Variants in DNAH5 observed in about 807,000 individuals in gnomAD.
The protein encoded by DNAH5 is axonemal beta dynein heavy chain 5.
DNAH5 carries 372 observed loss-of-function variants against 518.2 expected under a neutral mutation model. That is an observed-to-expected ratio of 0.72 (90% CI 0.66 to 0.78). The LOEUF (loss-of-function observed/expected upper bound fraction) is 0.78. Ranked by LOEUF, DNAH5 falls within the 30% of genes least tolerant of loss-of-function variation. DNAH5 has a pLI of 0.00. For missense variants in DNAH5, 5,523 were observed against 5,687.0 expected, an observed-to-expected ratio of 0.97 and a Z score of 0.93; for synonymous variants, 2,039 against 2,025.9, an observed-to-expected ratio of 1.01 and a Z score of -0.17.
intron 32 of DNAH5, among the ~76,000 whole-genome samples, chr5:13,842,500 AAG>A (rs1765427270): frequency 7.8e-6 from 1 of 127,492 alleles, no homozygotes; most frequent in African/African-American, 3.2e-5. Context: ...AAAAGAAAGA[AAG>A]AAAGAAAAAG....
At chr5:13,889,331 A>C (rs1336271140) in intron 17 of DNAH5, among the ~76,000 whole-genome samples, 1 of 152,224 alleles carries the variant, frequency 6.6e-6, no homozygotes, top group East Asian at 1.9e-4. Flanking sequence ...GGTTAGGTGT[A>C]CCCACAGTTA....
At chr5:14,011,524 G>A (rs894250077) in intron 1 of DNAH5, among the ~76,000 whole-genome samples, 3 of 152,116 alleles carry the variant, frequency 2.0e-5, no homozygotes, top group African/African-American at 7.2e-5. Flanking sequence ...ACCACAAGCC[G>A]AGCCCCTCCC....
intron 44 of DNAH5, 169 bp from the exon 45 acceptor site, chr5:13,810,429 T>G: frequency 1.4e-6 from 1 of 693,182 alleles, no homozygotes; most frequent in Non-Finnish European, 2.5e-6. Flanking sequence ...TCTCTGAGAA[T>G]AGCAAGCTGC....
At position 13,853,687 on chromosome 5, in the gene DNAH5, T is replaced by C. The variant is rs76508088; in HGVS notation, c.4951-2872A>G. 3.9e-4 allele frequency among the ~76,000 whole-genome samples: 60 copies of C among 151,994 alleles called. No homozygotes were observed. In the East Asian group the frequency reaches 0.011, roughly 28 times the overall value. The stretch of plus-strand genomic sequence containing the variant: ...TTAGAGAAGAACATAAATGACCTGA[T>C]GGAACTGAAAAACACAGCACAAGAA... On this transcript the variant is annotated intron_variant, in intron 30 of 78. Coordinates refer to ENST00000265104, the MANE Select transcript of DNAH5 (RefSeq NM_001369.3).
chr5:13,898,871 C>G (rs1404465865), intron 15 of DNAH5: 1 of 363,736 alleles, frequency 2.7e-6, no homozygotes, highest in Non-Finnish European at 4.9e-6. Flanking sequence ...GCATTTGCCA[C>G]TGGTGACCAG....
intron 74 of DNAH5, 150 bp from the exon 75 acceptor site, chr5:13,714,770 A>G: frequency 3.7e-6 from 3 of 800,580 alleles, no homozygotes; most frequent in Admixed American, 4.3e-5. Flanking sequence ...ATTTCTCCAG[A>G]AAAGAATCAA....
chr5:13,713,472 C>CCGATATATATATATATATGATGGAATACT (rs1743891340), intron 75 of DNAH5, among the ~76,000 whole-genome samples: 1 of 113,862 alleles, frequency 8.8e-6, no homozygotes, highest in Non-Finnish European at 1.8e-5. Flanking sequence ...TATATACACA[C>CCGATATATATATATATATGATGGAATACT]ACCGATATAT....
Position 13,870,853 on chromosome 5 carries a change from G to T in DNAH5, c.3748C>A (p.Leu1250Ile). 6 of 1,613,738 alleles carry T rather than the reference G, an allele frequency of 3.7e-6. No individual in the cohort carries two copies. Among genetic ancestry groups the T allele is most frequent in the Non-Finnish European group, 5.1e-6 (6 of 1,179,832 alleles). The change falls in exon 24 of 79, where the codon CTA becomes ATA. Residue 1250 changes from leucine (L) to isoleucine (I), a missense_variant. Transcript: ENST00000265104. Reference sequence around the variant, plus strand: ...GCCATTGCAATCCGAATATCATCTAGGTCCTTAATTGGACGATTTAGTTTC... The same window carrying T: ...GCCATTGCAATCCGAATATCATCTATGTCCTTAATTGGACGATTTAGTTTC... ...NKKLNRPIKD[L>I]DDIRIAMAAL...
intron 60 of DNAH5, among the ~76,000 whole-genome samples, chr5:13,762,211 A>G (rs1277014294): frequency 6.6e-6 from 1 of 152,230 alleles, no homozygotes; most frequent in East Asian, 1.9e-4. Context: ...AGTCACATTA[A>G]ATAACAAATA....
At chr5:13,734,940 C>T (rs1046136522) in intron 68 of DNAH5, among the ~76,000 whole-genome samples, 191 bp downstream of exon 68, 1 of 152,108 alleles carries the variant, frequency 6.6e-6, no homozygotes, top group Non-Finnish European at 1.5e-5. Flanking sequence ...ATACCTATTC[C>T]ATGCCCAGGT....
intron 1 of DNAH5, among the ~76,000 whole-genome samples, chr5:13,966,307 G>A (rs1781526267): frequency 6.6e-6 from 1 of 152,080 alleles, no homozygotes; most frequent in African/African-American, 2.4e-5. Context: ...ATTGTGAATT[G>A]TACCGTTATA....
chr5:13,884,124 T>C (rs1466455785), intron 19 of DNAH5, among the ~76,000 whole-genome samples: 7 of 152,028 alleles, frequency 4.6e-5, no homozygotes, highest in Non-Finnish European at 8.8e-5. Flanking sequence ...GAGGAAAAGA[T>C]GATGCTATTG....
In DNAH5 at chr5:13,762,785, A is replaced by T. The variant is rs1368972106; in HGVS notation, c.10218T>A (p.Leu3406=). The T allele has an allele frequency of 6.2e-7, 1 of 1,614,212 alleles. No individual in the cohort carries two copies. Among genetic ancestry groups the T allele is most frequent in the Non-Finnish European group, 8.5e-7 (1 of 1,180,006 alleles). Reference sequence around the variant, plus strand: ...AAGCCATAGCTTTCGTCCAGGAACAAAGACCAGCTACATTTCCACATACGC... The same window carrying T: ...AAGCCATAGCTTTCGTCCAGGAACATAGACCAGCTACATTTCCACATACGC... ...AKRVCGNVAG[L]CSWTKAMASF... The change falls in exon 60 of 79, where the codon CTT becomes CTA. Residue 3406 remains leucine (L), a synonymous_variant. Transcript: ENST00000265104.
intron 70 of DNAH5, among the ~76,000 whole-genome samples, chr5:13,722,171 C>G (rs987110111): frequency 6.6e-6 from 1 of 152,106 alleles, no homozygotes; most frequent in Non-Finnish European, 1.5e-5. Context: ...CTCCAATTCC[C>G]GGAGAAACAC....
intron 53 of DNAH5, among the ~76,000 whole-genome samples, chr5:13,778,414 C>T (rs981145860): frequency 8.3e-5 from 11 of 131,774 alleles, no homozygotes; most frequent in Non-Finnish European, 3.1e-5. Flanking sequence ...AAGTGAGATC[C>T]GAGAGATCAG....
At position 13,928,114 on chromosome 5, in the gene DNAH5, T is replaced by A. The variant is rs147441805; in HGVS notation, c.257A>T (p.Asp86Val). The A allele has an allele frequency of 6.2e-7, 1 of 1,613,808 alleles. No individual in the cohort carries two copies. Among genetic ancestry groups the A allele is most frequent in the South Asian group, 1.1e-5 (1 of 91,074 alleles). The change falls in exon 3 of 79, where the codon GAT becomes GTT. Residue 86 changes from aspartate (D) to valine (V), a missense_variant. This residue lies in a region of DNAH5 where 5,121 missense variants were observed against 5,223.3 expected (regional missense o/e 0.98). Coordinates refer to ENST00000265104, the MANE Select transcript of DNAH5 (RefSeq NM_001369.3). ...GATACCTGTTTCTGCTTCCTCCACA[T>A]CTTGATAGTAAAACATGAGGTGTCG... ...GLRHLMFYYQ[D>V]VEEAETGQLG...
intron 70 of DNAH5, among the ~76,000 whole-genome samples, chr5:13,723,024 C>T (rs1745260676): frequency 6.6e-6 from 1 of 152,174 alleles, no homozygotes; most frequent in Non-Finnish European, 1.5e-5. Flanking sequence ...GAGGCTCACC[C>T]CTTCTGACCT....
chr5:13,850,190 A>G (rs192846015), intron 31 of DNAH5, among the ~76,000 whole-genome samples: 1 of 152,340 alleles, frequency 6.6e-6, no homozygotes, highest in East Asian at 1.9e-4. Flanking sequence ...CAAACAAAAA[A>G]ACTTTATGAC....
intron 32 of DNAH5, 37 bp from the exon 33 acceptor site, chr5:13,841,941 ATAGTCATAT>A: frequency 1.9e-6 from 2 of 1,037,644 alleles, no homozygotes; most frequent in Non-Finnish European, 2.9e-6. Flanking sequence ...AAAAAAAGCT[ATAGTCATAT>A]AAAAAGTAAA....
Sources: gnomAD v4.1 joint callset for allele counts (sites outside exome capture counted in the v4.1 genomes callset) on GRCh38, gnomAD v4.1.1 for gene constraint, gnomAD v4.1.1 regional missense constraint, MANE v1.5 for transcripts, NCBI Gene and HGNC (gene_info 2026-07-23, HGNC 2026-07-21) for gene names.